Variants in CYP4X1 observed in about 807,000 individuals in gnomAD.
The protein encoded by CYP4X1 is cytochrome P450 family 4 subfamily X member 1.
CYP4X1 carries 44 observed loss-of-function variants against 57.9 expected under a neutral mutation model. The observed-to-expected ratio is 0.76, with a 90% CI of 0.60 to 0.98. CYP4X1 has a LOEUF of 0.98. Ranked by LOEUF, CYP4X1 falls within the 50% of genes least tolerant of loss-of-function variation. The probability of loss-of-function intolerance (pLI) is 0.00; values close to 1 mark genes in which losing one functional copy is unlikely to be tolerated. For synonymous variants in CYP4X1, 227 were observed against 228.6 expected (o/e 0.99, Z 0.06); for missense variants, 532 against 623.9 (o/e 0.85, Z 1.57).
In CYP4X1 at chr1:47,033,340, T is replaced by G. The variant is rs1242135857; in HGVS notation, c.464T>G (p.Val155Gly). 1 of 1,613,570 alleles carries G rather than the reference T, an allele frequency of 6.2e-7. No individual in the cohort carries two copies. Among genetic ancestry groups the G allele is most frequent in the Non-Finnish European group, 8.5e-7 (1 of 1,179,784 alleles). The change falls in exon 4 of 12, where the codon GTG becomes GGG. Residue 155 changes from valine (V) to glycine (G), a missense_variant. Coordinates refer to ENST00000371901, the MANE Select transcript of CYP4X1 (RefSeq NM_178033.2). ...AACATCCTGAAAGCATACATTGAGGTGATGGCTCATTCTGTGAAAATGATG... is the reference window on the plus strand; with the variant it reads ...AACATCCTGAAAGCATACATTGAGGGGATGGCTCATTCTGTGAAAATGATG... ...HFNILKAYIE[V>G]MAHSVKMMLD...
intron 3 of CYP4X1, among the ~76,000 whole-genome samples, chr1:47,032,248 G>A (rs1644132745): frequency 6.6e-6 from 1 of 152,056 alleles, no homozygotes; most frequent in Non-Finnish European, 1.5e-5. Flanking sequence ...TACATAATTG[G>A]TATTTATGTT....
At chr1:46,968,509 C>T in the CYP4X1 span, among the ~76,000 whole-genome samples, 9 of 152,312 alleles carry the variant, frequency 5.9e-5, no homozygotes, top group African/African-American at 2.2e-4. Flanking sequence ...AGAACATTCT[C>T]CTTCCACCAC....
At chr1:47,023,552 G>A (rs1644021153), upstream of CYP4X1, 1 of 1,218,166 alleles carries the variant, frequency 8.2e-7, no homozygotes, top group Admixed American at 4.1e-5. Flanking sequence ...ACTTAAAAGA[G>A]GACGCTCCAG....
the CYP4X1 span, among the ~76,000 whole-genome samples, chr1:46,985,252 T>G: frequency 6.6e-6 from 1 of 152,044 alleles, no homozygotes; most frequent in African/African-American, 2.4e-5. Flanking sequence ...GGCATAAACC[T>G]GGGAGGCAGA....
At chr1:47,009,745 C>T in the CYP4X1 span, among the ~76,000 whole-genome samples, 1 of 152,188 alleles carries the variant, frequency 6.6e-6, no homozygotes, top group Non-Finnish European at 1.5e-5. Flanking sequence ...ACCTATCCCA[C>T]AGAAATACAA....
the CYP4X1 span, among the ~76,000 whole-genome samples, chr1:46,966,032 T>C: frequency 5.6e-4 from 86 of 152,364 alleles, no homozygotes; most frequent in African/African-American, 2.0e-3. Flanking sequence ...CTTCCTTGTC[T>C]GGACCATTTG....
the CYP4X1 span, among the ~76,000 whole-genome samples, chr1:46,972,402 G>T: frequency 6.6e-6 from 1 of 152,048 alleles, no homozygotes; most frequent in African/African-American, 2.4e-5. Context: ...TTTTGCTTAG[G>T]ATATCTTTGG....
the CYP4X1 span, among the ~76,000 whole-genome samples, chr1:47,009,892 CA>C: frequency 3.8e-3 from 585 of 152,322 alleles, 1 homozygote; most frequent in African/African-American, 0.013. Context: ...AGACCAATAA[CA>C]GGCTCTGAAA....
the CYP4X1 span, chr1:46,961,752 G>A: frequency 4.1e-5 from 54 of 1,312,162 alleles, no homozygotes; most frequent in Non-Finnish European, 5.2e-5. Flanking sequence ...TCCTCCAGTG[G>A]ATTGGTGAGT....
the CYP4X1 span, among the ~76,000 whole-genome samples, chr1:46,998,499 G>C: frequency 1.3e-5 from 2 of 152,120 alleles, no homozygotes; most frequent in African/African-American, 4.8e-5. Context: ...CACATGCATA[G>C]TTTGCAAATA....
At chr1:46,965,247 T>A in the CYP4X1 span, among the ~76,000 whole-genome samples, 1 of 152,174 alleles carries the variant, frequency 6.6e-6, no homozygotes, top group Non-Finnish European at 1.5e-5. Context: ...CCCACTGTGC[T>A]GCACCTACTT....
chr1:47,016,532 G>A, the CYP4X1 span, among the ~76,000 whole-genome samples: 607 of 151,954 alleles, frequency 4.0e-3, 3 homozygotes, highest in African/African-American at 0.014. Flanking sequence ...TAGTAGAGAC[G>A]GGGTTTCACC....
the CYP4X1 span, among the ~76,000 whole-genome samples, chr1:46,980,080 C>T: frequency 5.3e-5 from 8 of 152,068 alleles, no homozygotes; most frequent in African/African-American, 1.9e-4. Context: ...ACAGGGGTGC[C>T]CTCTCTCACC....
chr1:47,041,503 T>C (rs1210986357), intron 8 of CYP4X1, among the ~76,000 whole-genome samples: 1 of 152,212 alleles, frequency 6.6e-6, no homozygotes, highest in Non-Finnish European at 1.5e-5. Flanking sequence ...TGTCTCATTA[T>C]GGTTTTAATT....
intron 8 of CYP4X1, among the ~76,000 whole-genome samples, chr1:47,044,258 A>G (rs955284948): frequency 1.3e-5 from 2 of 151,958 alleles, no homozygotes; most frequent in African/African-American, 4.8e-5. Flanking sequence ...TTGCTCTACT[A>G]TAGGTTTTTG....
At chr1:47,054,748 G>C (rs1644382399), downstream of CYP4X1, among the ~76,000 whole-genome samples, 1 of 152,176 alleles carries the variant, frequency 6.6e-6, no homozygotes, top group South Asian at 2.1e-4. Flanking sequence ...AAGAATGCTT[G>C]TGATTTTTGC....
At chr1:46,980,961 C>A in the CYP4X1 span, among the ~76,000 whole-genome samples, 2 of 152,132 alleles carry the variant, frequency 1.3e-5, no homozygotes, top group Non-Finnish European at 2.9e-5. Context: ...CCCTTCCTTG[C>A]ACCTTATACA....
intron 9 of CYP4X1, among the ~76,000 whole-genome samples, chr1:47,047,708 TCTC>T (rs1290842778): frequency 6.6e-6 from 1 of 152,112 alleles, no homozygotes; most frequent in African/African-American, 2.4e-5. Context: ...TTTAAGCAGT[TCTC>T]CTGCCTCAGC....
the CYP4X1 span, among the ~76,000 whole-genome samples, chr1:46,984,714 A>G: frequency 6.6e-6 from 1 of 152,190 alleles, no homozygotes; most frequent in East Asian, 1.9e-4. Context: ...CGCAACCTAC[A>G]GACCAGGAGA....
Sources: gnomAD v4.1 joint callset for allele counts (sites outside exome capture counted in the v4.1 genomes callset) on GRCh38, gnomAD v4.1.1 for gene constraint, MANE v1.5 for transcripts, NCBI Gene and HGNC (gene_info 2026-07-23, HGNC 2026-07-21) for gene names.